The following CSPG5 variants were observed in gnomAD, a reference collection of about 807,000 sequenced individuals.
The protein encoded by CSPG5 is chondroitin sulfate proteoglycan 5.
In CSPG5, 25 loss-of-function variants were observed where a neutral mutation model predicts 39.8. That is an observed-to-expected ratio of 0.63 (90% CI 0.46 to 0.88). CSPG5 has a LOEUF of 0.88. Among genes scored for constraint, CSPG5 ranks in the 40% least tolerant of loss-of-function variants. CSPG5 has a pLI of 0.00. For missense variants in CSPG5, 627 were observed against 702.2 expected, an observed-to-expected ratio of 0.89 and a Z score of 1.21; for synonymous variants, 295 against 303.9, an observed-to-expected ratio of 0.97 and a Z score of 0.31.
chr3:47,567,879 GCA>G (rs1372552387), intron 4 of CSPG5, among the ~76,000 whole-genome samples: 5 of 152,200 alleles, frequency 3.3e-5, no homozygotes, highest in Non-Finnish European at 7.3e-5. Context: ...AGGTGTGGTG[GCA>G]CATGCCTCTA....
chr3:47,562,506 A>G lies in CSPG5; in HGVS notation c.*94T>C, dbSNP rs1402303657. On this transcript the variant is annotated 3_prime_UTR_variant, in exon 5 of 5. Transcript: ENST00000264723. Reference sequence around the variant, plus strand: ...TCAGAAAAAGAAAAGAGTTTAACAAATGGTTACAAGAAATAGACTCTGTAC... The same window carrying G: ...TCAGAAAAAGAAAAGAGTTTAACAAGTGGTTACAAGAAATAGACTCTGTAC... 8.2e-7 allele frequency: 1 copy of G among 1,226,544 alleles called. No homozygotes were observed. Among genetic ancestry groups the G allele is most frequent in the Non-Finnish European group, 1.1e-6 (1 of 884,870 alleles). 76.0% of individuals were successfully genotyped at this position (1,226,544 alleles called of 1,614,324 possible).
rs147503336 is a variant in CSPG5, at chr3:47,576,995, C to T, written c.1031G>A (p.Gly344Glu). The change falls in exon 2 of 5, where the codon GGA becomes GAA. Residue 344 changes from glycine to glutamate, a missense_variant. Physicochemically the swap from Gly to Glu is moderately conservative, Grantham distance 98. Transcript: ENST00000264723. Reference protein sequence around the residue: ...GSSIALRPRPGEPGRDLASSE... With the variant: ...GSSIALRPRPEEPGRDLASSE... ...GGAGGCCAAGTCCCTGCCTGGCTCTCCTGGGCGGGGCCTGAGGGCGATGCT... is the reference window on the plus strand; with the variant it reads ...GGAGGCCAAGTCCCTGCCTGGCTCTTCTGGGCGGGGCCTGAGGGCGATGCT... 2 of 1,613,510 alleles carry T rather than the reference C, an allele frequency of 1.2e-6. No individual in the cohort carries two copies. The highest frequency in any genetic ancestry group is 1.7e-6 in the Non-Finnish European group (2 of 1,179,710).
At chr3:47,573,680 A>C (rs2031605337) in intron 2 of CSPG5, among the ~76,000 whole-genome samples, 1 of 152,206 alleles carries the variant, frequency 6.6e-6, no homozygotes, top group South Asian at 2.1e-4. Flanking sequence ...CAGGCAAAGG[A>C]GGGAGGACAT....
upstream of CSPG5, chr3:47,578,898 C>G (rs1220953407): frequency 6.7e-6 from 1 of 148,710 alleles, no homozygotes; most frequent in African/African-American, 2.4e-5. The surrounding 1 kb of genome is among the most constrained non-coding windows in gnomAD (Gnocchi z 6.0). Flanking sequence ...GCCGCCGCTG[C>G]GCTCAGCGCC....
intron 4 of CSPG5, among the ~76,000 whole-genome samples, chr3:47,568,916 C>T (rs2031412674): frequency 6.6e-6 from 1 of 152,110 alleles, no homozygotes; most frequent in Non-Finnish European, 1.5e-5. Flanking sequence ...AAGTGATACA[C>T]CATCAAGTGC....
intron 4 of CSPG5, among the ~76,000 whole-genome samples, chr3:47,564,677 G>A (rs1013750191): frequency 3.9e-5 from 6 of 152,082 alleles, no homozygotes; most frequent in South Asian, 2.1e-4. Flanking sequence ...CTCCTGAGAC[G>A]GAAAGATCTC....
intron 3 of CSPG5, among the ~76,000 whole-genome samples, chr3:47,570,914 G>A (rs2031504774): frequency 6.6e-6 from 1 of 152,090 alleles, no homozygotes; most frequent in South Asian, 2.1e-4. Flanking sequence ...TGCATGCCAG[G>A]GAATTACAAC....
intron 4 of CSPG5, among the ~76,000 whole-genome samples, chr3:47,567,577 C>T (rs1302672466): frequency 6.6e-6 from 1 of 152,054 alleles, no homozygotes; most frequent in Admixed American, 6.6e-5. Flanking sequence ...CTAAGTTTAC[C>T]TCTTTCATTT....
intron 4 of CSPG5, among the ~76,000 whole-genome samples, chr3:47,564,656 T>C (rs2031221517): frequency 6.6e-6 from 1 of 152,160 alleles, no homozygotes; most frequent in Admixed American, 6.5e-5. Context: ...TGCAGTGACA[T>C]AAATGTCCAT....
intron 3 of CSPG5, among the ~76,000 whole-genome samples, chr3:47,571,723 T>G (rs1389038628): frequency 6.6e-6 from 1 of 152,096 alleles, no homozygotes; most frequent in Admixed American, 6.5e-5. Flanking sequence ...AGTCACATTC[T>G]CTAGAGGGAG....
rs760802417 is a variant in CSPG5, at chr3:47,562,563, C to A, written c.*37G>T. The A allele has an allele frequency of 6.4e-6, 10 of 1,564,260 alleles. No individual in the cohort carries two copies. In the East Asian group the frequency reaches 1.1e-4, roughly 18 times the overall value. ...AGATAATGTTTCTTCCCCTACCCCC[C>A]ACCCACTACCCCCGCTTCCTCTCTT... is the stretch of plus-strand genomic sequence containing the variant. On this transcript the variant is annotated 3_prime_UTR_variant, in exon 5 of 5. Coordinates refer to ENST00000264723, the MANE Select transcript of CSPG5 (RefSeq NM_006574.4).
At position 47,577,049 on chromosome 3, in the gene CSPG5, T is replaced by G. The variant is rs964691566; in HGVS notation, c.977A>C (p.Gln326Pro). 41 of 1,613,496 alleles carry G rather than the reference T, an allele frequency of 2.5e-5. No individual in the cohort carries two copies. The highest frequency in any genetic ancestry group is 3.4e-5 in the Non-Finnish European group (40 of 1,179,944). ...PTSRWHAVPP[Q>P]HTLGSVPGSS... ...GCCGGGGACCGACCCCAGAGTGTGC[T>G]GTGGAGGGACAGCATGCCACCGACT... The change falls in exon 2 of 5, where the codon CAG becomes CCG. Residue 326 changes from glutamine (Q) to proline (P), a missense_variant. Transcript: ENST00000264723. The surrounding 1 kb of genome is among the most constrained non-coding windows in gnomAD (Gnocchi z 4.7).
At chr3:47,580,226 A>T (rs556952374), upstream of CSPG5, 6 of 152,230 alleles carry the variant, frequency 3.9e-5, no homozygotes, top group African/African-American at 7.2e-5. Context: ...ATCTACAGTT[A>T]TTCCTCACTG....
Position 47,578,706 on chromosome 3 carries a change from C to T in CSPG5, c.-13G>A, listed in dbSNP as rs751060857. 19,658 of 844,874 alleles carry T rather than the reference C, an allele frequency of 0.023. 229 individuals carry two copies. Among genetic ancestry groups the T allele is most frequent in the Non-Finnish European group, 0.026 (17,838 of 688,296 alleles). 52.3% of individuals were successfully genotyped at this position (844,874 alleles called of 1,614,324 possible). ...CGGCTCGCCCCATGGCGCGGCGCCC[C>T]GACCGCTGTCCGCGGTCCGCCCGGC... On this transcript the variant is annotated 5_prime_UTR_variant, in exon 1 of 5. Coordinates refer to ENST00000264723, the MANE Select transcript of CSPG5 (RefSeq NM_006574.4). This position sits in a 1 kb window ranked among gnomAD's most constrained non-coding sequence, Gnocchi z 6.0.
chr3:47,574,808 G>A (rs1378089236), intron 2 of CSPG5, among the ~76,000 whole-genome samples: 4 of 151,274 alleles, frequency 2.6e-5, no homozygotes, highest in Admixed American at 6.6e-5. Flanking sequence ...GCGTGGTGGC[G>A]GGCGCCTGCA....
rs780349721 is a variant in CSPG5, at chr3:47,572,337, A to T, written c.1382+349T>A. 6.6e-6 allele frequency among the ~76,000 whole-genome samples: 1 copy of T among 152,220 alleles called. No homozygotes were observed. The highest frequency in any genetic ancestry group is 1.5e-5 in the Non-Finnish European group (1 of 68,036). The stretch of plus-strand genomic sequence containing the variant: ...ACAGTCCAGGGAAGAAGGGTCTATC[A>T]GGCAGGTGGGCAGACTGAGTAACTT... On this transcript the variant is annotated intron_variant, in intron 3 of 4. Coordinates refer to ENST00000264723, the MANE Select transcript of CSPG5 (RefSeq NM_006574.4). This position sits in a 1 kb window ranked among gnomAD's most constrained non-coding sequence, Gnocchi z 4.5.
In CSPG5 at chr3:47,572,979, A is replaced by G; in HGVS notation, c.1194-105T>C. 1 of 922,900 alleles carries G rather than the reference A, an allele frequency of 1.1e-6. No homozygotes were observed. The allele number at this position is 922,900 out of a possible 1,614,324, so 57.2% of individuals were successfully genotyped here. On this transcript the variant is annotated intron_variant, in intron 2 of 4. Transcript: ENST00000264723. This position sits in a 1 kb window ranked among gnomAD's most constrained non-coding sequence, Gnocchi z 4.5. ...CACCTATCTCCACAGCCTGTTCCGA[A>G]GGCCATCTAGAGGAACTGCAATGCT...
chr3:47,578,085 G>A lies in CSPG5; in HGVS notation c.98-157C>T. The A allele has an allele frequency of 1.8e-6, 2 of 1,141,178 alleles. No individual in the cohort carries two copies. Among genetic ancestry groups the A allele is most frequent in the Non-Finnish European group, 2.3e-6 (2 of 888,494 alleles). The allele number at this position is 1,141,178 out of a possible 1,614,324, so 70.7% of individuals were successfully genotyped here. A position where few individuals can be genotyped will look rare whatever the true frequency, so the allele number is the denominator to read the frequency against. On this transcript the variant is annotated intron_variant, in intron 1 of 4. Transcript: ENST00000264723. This position sits in a 1 kb window ranked among gnomAD's most constrained non-coding sequence, Gnocchi z 6.0. ...GCCCCAGTGTGACCCCAGCCACCCG[G>A]TACCTCTAAGCCCCGTCCCGGAGTC... is the stretch of plus-strand genomic sequence containing the variant.
At position 47,578,372 on chromosome 3, in the gene CSPG5, C is replaced by T. The variant is rs1361526145; in HGVS notation, c.97+225G>A. Among the ~76,000 whole-genome samples the T allele has an allele frequency of 6.7e-6, 1 of 149,872 alleles. No individual in the cohort carries two copies. The highest frequency in any genetic ancestry group is 1.5e-5 in the Non-Finnish European group (1 of 67,142). On this transcript the variant is annotated intron_variant, in intron 1 of 4. Coordinates refer to ENST00000264723, the MANE Select transcript of CSPG5 (RefSeq NM_006574.4). The surrounding 1 kb of genome is among the most constrained non-coding windows in gnomAD (Gnocchi z 6.0). ...CCCGCCCCCAGTCCGCACCGCGGCC[C>T]GCGCGCTTGGGTCCCGGCTACCCCA... is the stretch of plus-strand genomic sequence containing the variant.
Sources: allele counts gnomAD v4.1 joint callset (sites outside exome capture counted in the v4.1 genomes callset), GRCh38; gene constraint gnomAD v4.1.1; non-coding constraint Gnocchi (gnomAD v3.1); transcripts MANE v1.5; gene names NCBI Gene and HGNC (gene_info 2026-07-23, HGNC 2026-07-21).